Variants in CTNNA3 observed in about 807,000 individuals in gnomAD.
CTNNA3 encodes the protein catenin alpha-3.
In CTNNA3, 76 loss-of-function variants were observed where a neutral mutation model predicts 95.7. The ratio of observed to expected loss-of-function variants is 0.79; its 90% CI spans 0.66 to 0.96. The LOEUF (loss-of-function observed/expected upper bound fraction) is 0.96. CTNNA3 is among the 40% of genes least tolerant of loss of function. The pLI, the probability that CTNNA3 is intolerant of heterozygous loss-of-function variation, is 0.00. For synonymous variants in CTNNA3, 431 were observed against 374.4 expected, an observed-to-expected ratio of 1.15 and a Z score of -1.74; for missense variants, 1,191 against 1,089.8, an observed-to-expected ratio of 1.09 and a Z score of -1.31.
At chr10:66,932,447 T>A (rs1847456784) in intron 7 of CTNNA3, among the ~76,000 whole-genome samples, 1 of 152,098 alleles carries the variant, frequency 6.6e-6, no homozygotes, top group South Asian at 2.1e-4. Context: ...AATAAAAAAT[T>A]CAGAATCTGT....
chr10:67,082,708 T>C (rs1857112521), intron 7 of CTNNA3, among the ~76,000 whole-genome samples: 1 of 152,154 alleles, frequency 6.6e-6, no homozygotes, highest in African/African-American at 2.4e-5. Flanking sequence ...TACATCCTTT[T>C]TTCTAAAGAT....
At chr10:65,960,124 C>T (rs906802267) in intron 17 of CTNNA3, among the ~76,000 whole-genome samples, 1 of 152,160 alleles carries the variant, frequency 6.6e-6, no homozygotes, top group Admixed American at 6.6e-5. Flanking sequence ...CTACTCTTTC[C>T]ATTTTACCAA....
chr10:66,687,200 A>G (rs1847329140), intron 9 of CTNNA3, among the ~76,000 whole-genome samples: 1 of 152,158 alleles, frequency 6.6e-6, no homozygotes, highest in Admixed American at 6.5e-5. Context: ...TATGGCAAAA[A>G]GAATGGAAAA....
At chr10:66,594,205 TGCCCTTTTA>T (rs1843639076) in intron 10 of CTNNA3, among the ~76,000 whole-genome samples, 3 of 152,154 alleles carry the variant, frequency 2.0e-5, no homozygotes, top group Non-Finnish European at 2.9e-5. Context: ...CACCTCATCT[TGCCCTTTTA>T]GCACATTCTA....
chr10:67,086,151 A>G (rs147698070), intron 7 of CTNNA3, among the ~76,000 whole-genome samples: 37 of 152,162 alleles, frequency 2.4e-4, no homozygotes, highest in South Asian at 4.1e-4. Flanking sequence ...GGGGTGGAAG[A>G]AACAGTATAT....
chr10:65,931,731 T>C (rs995082829), intron 17 of CTNNA3, among the ~76,000 whole-genome samples: 4 of 152,236 alleles, frequency 2.6e-5, no homozygotes, highest in Non-Finnish European at 5.9e-5. Context: ...TCTTCCTGCC[T>C]AGAGTGTCTT....
chr10:66,324,417 G>C (rs2092228698), intron 12 of CTNNA3, among the ~76,000 whole-genome samples: 1 of 152,200 alleles, frequency 6.6e-6, no homozygotes, highest in South Asian at 2.1e-4. Flanking sequence ...TCAGGACACA[G>C]AAAGCTGTCA....
intron 9 of CTNNA3, among the ~76,000 whole-genome samples, chr10:66,713,822 T>TTTA (rs1176530876): frequency 6.6e-6 from 1 of 152,132 alleles, no homozygotes; most frequent in Admixed American, 6.6e-5. Context: ...CTTTCATATA[T>TTTA]TTACATATTT....
At chr10:65,979,765 A>G (rs1400360806) in intron 16 of CTNNA3, among the ~76,000 whole-genome samples, 1 of 152,108 alleles carries the variant, frequency 6.6e-6, no homozygotes, top group East Asian at 1.9e-4. Flanking sequence ...TAAAGGGGAA[A>G]AGAGTAAAGC....
intron 7 of CTNNA3, among the ~76,000 whole-genome samples, chr10:66,882,307 G>C (rs1328063298): frequency 6.6e-6 from 1 of 152,068 alleles, no homozygotes; most frequent in Non-Finnish European, 1.5e-5. Context: ...ATTTGAGTTA[G>C]AGCAGAAAGG....
intron 5 of CTNNA3, among the ~76,000 whole-genome samples, chr10:67,421,401 G>A (rs1845745797): frequency 6.6e-6 from 1 of 151,966 alleles, no homozygotes; most frequent in African/African-American, 2.4e-5. Context: ...GTTATTTTTT[G>A]TTTTTGTTTT....
At chr10:66,045,230 C>G (rs557344161) in intron 15 of CTNNA3, among the ~76,000 whole-genome samples, 4 of 151,948 alleles carry the variant, frequency 2.6e-5, no homozygotes, top group East Asian at 3.9e-4. Flanking sequence ...TACTCTGAAC[C>G]TAAAGAAACA....
intron 7 of CTNNA3, among the ~76,000 whole-genome samples, chr10:66,850,592 GA>G (rs1396454853): frequency 1.3e-5 from 2 of 151,808 alleles, no homozygotes; most frequent in African/African-American, 4.8e-5. Flanking sequence ...TATCCTATAT[GA>G]TTTTTTTATT....
At chr10:66,359,864 T>C (rs2092639957) in intron 12 of CTNNA3, among the ~76,000 whole-genome samples, 1 of 151,216 alleles carries the variant, frequency 6.6e-6, no homozygotes, top group African/African-American at 2.4e-5. Flanking sequence ...TCTCCCTCTG[T>C]CATCCAGGCT....
At chr10:66,743,974 CAAAA>C (rs536825430) in intron 9 of CTNNA3, among the ~76,000 whole-genome samples, 1,482 of 44,788 alleles carry the variant, frequency 0.033, 19 homozygotes, top group East Asian at 0.22. Flanking sequence ...GATTCCATCT[CAAAA>C]AAAAAAAAAA....
intron 16 of CTNNA3, among the ~76,000 whole-genome samples, chr10:65,979,587 A>G (rs763250633): frequency 6.6e-6 from 1 of 152,088 alleles, no homozygotes; most frequent in Non-Finnish European, 1.5e-5. Context: ...AACTTTGCTC[A>G]TCCTTCCTCT....
chr10:66,370,063 T>C (rs1244803597), intron 12 of CTNNA3, among the ~76,000 whole-genome samples: 1 of 152,084 alleles, frequency 6.6e-6, no homozygotes, highest in African/African-American at 2.4e-5. Flanking sequence ...TGCAATCTGA[T>C]TTACACACTC....
intron 7 of CTNNA3, among the ~76,000 whole-genome samples, chr10:67,042,639 C>G (rs1033830943): frequency 6.6e-6 from 1 of 150,586 alleles, no homozygotes; most frequent in Non-Finnish European, 1.5e-5. Context: ...AGAGAAGGAA[C>G]GGAGGAAAAG....
intron 13 of CTNNA3, among the ~76,000 whole-genome samples, chr10:66,162,112 T>C (rs2084883679): frequency 6.6e-6 from 1 of 152,076 alleles, no homozygotes; most frequent in Admixed American, 6.6e-5. Context: ...ACTTCTTGTA[T>C]CTTGTTTTGG....
Sources: gnomAD v4.1 joint callset for allele counts (sites outside exome capture counted in the v4.1 genomes callset) on GRCh38, gnomAD v4.1.1 for gene constraint, MANE v1.5 for transcripts, NCBI Gene and HGNC (gene_info 2026-07-23, HGNC 2026-07-21) for gene names.